The following PTPRG variants were observed in gnomAD, a reference collection of about 807,000 sequenced individuals.
PTPRG encodes protein tyrosine phosphatase receptor type G, also known as receptor-type tyrosine-protein phosphatase gamma.
A neutral mutation model predicts 165.3 loss-of-function variants in PTPRG; 102 were observed. That is an observed-to-expected ratio of 0.62 (90% confidence interval 0.53 to 0.73). The LOEUF is 0.73. PTPRG is among the 30% of genes least tolerant of loss of function. The pLI, the probability that PTPRG is intolerant of heterozygous loss-of-function variation, is 0.00. For missense variants in PTPRG, 1,866 were observed against 1,861.4 expected, an observed-to-expected ratio of 1.00 and a Z score of -0.05; for synonymous variants, 675 against 669.5, an observed-to-expected ratio of 1.01 and a Z score of -0.13.
intron 5 of PTPRG, among the ~76,000 whole-genome samples, chr3:62,112,268 C>G (rs1442838074): frequency 6.6e-6 from 1 of 152,110 alleles, no homozygotes; most frequent in Non-Finnish European, 1.5e-5. Flanking sequence ...CCATGCGCAG[C>G]TAATTTTTGT....
chr3:62,025,965 A>C (rs574670670), intron 4 of PTPRG, among the ~76,000 whole-genome samples: 1 of 152,298 alleles, frequency 6.6e-6, no homozygotes, highest in Non-Finnish European at 1.5e-5. Flanking sequence ...GCAATGCTTT[A>C]TTGTCATGAT....
chr3:62,028,162 T>C (rs1314775968), intron 4 of PTPRG, among the ~76,000 whole-genome samples: 2 of 152,218 alleles, frequency 1.3e-5, no homozygotes, highest in East Asian at 3.8e-4. Flanking sequence ...AAGTTTTCGG[T>C]AGAAAGGAGA....
At chr3:62,131,521 A>C (rs549691274) in intron 5 of PTPRG, among the ~76,000 whole-genome samples, 1 of 152,314 alleles carries the variant, frequency 6.6e-6, no homozygotes, top group Non-Finnish European at 1.5e-5. Context: ...TGACCTGAAA[A>C]CATCAAATTG....
intron 1 of PTPRG, among the ~76,000 whole-genome samples, chr3:61,724,268 G>A (rs926340884): frequency 6.7e-6 from 1 of 150,292 alleles, no homozygotes; most frequent in Non-Finnish European, 1.5e-5. Flanking sequence ...TATGTATATA[G>A]TGTGTGACTT....
At chr3:62,129,223 A>T (rs1392508457) in intron 5 of PTPRG, among the ~76,000 whole-genome samples, 2 of 152,158 alleles carry the variant, frequency 1.3e-5, no homozygotes, top group Non-Finnish European at 2.9e-5. Flanking sequence ...AGTGACCAAA[A>T]ATTGAACCTG....
intron 5 of PTPRG, among the ~76,000 whole-genome samples, chr3:62,078,615 C>T (rs528845999): frequency 6.6e-6 from 1 of 152,212 alleles, no homozygotes; most frequent in African/African-American, 2.4e-5. Context: ...TAAAATTTGA[C>T]ATTACTTGCA....
chr3:62,049,160 G>A (rs1024036248), intron 4 of PTPRG, among the ~76,000 whole-genome samples: 12 of 151,516 alleles, frequency 7.9e-5, no homozygotes, highest in African/African-American at 2.4e-4. Context: ...GTATCTCATC[G>A]TCCCTCTTTT....
intron 1 of PTPRG, among the ~76,000 whole-genome samples, chr3:61,622,243 A>C (rs1358513767): frequency 6.6e-6 from 1 of 152,002 alleles, no homozygotes; most frequent in Non-Finnish European, 1.5e-5. Flanking sequence ...TGTCAGGTAA[A>C]AAGACATTTT....
At chr3:61,867,936 G>A (rs1383027689) in intron 2 of PTPRG, among the ~76,000 whole-genome samples, 1 of 152,120 alleles carries the variant, frequency 6.6e-6, no homozygotes, top group Non-Finnish European at 1.5e-5. Context: ...CTGAGACCTT[G>A]GTCTGCTTAC....
intron 1 of PTPRG, among the ~76,000 whole-genome samples, chr3:61,613,083 T>G (rs552950587): frequency 2.6e-5 from 4 of 152,182 alleles, no homozygotes; most frequent in Non-Finnish European, 4.4e-5. Flanking sequence ...AAAGAACATT[T>G]ATTTCTCCAT....
intron 2 of PTPRG, among the ~76,000 whole-genome samples, chr3:61,943,987 G>A (rs926295444): frequency 6.6e-5 from 10 of 151,524 alleles, no homozygotes; most frequent in African/African-American, 1.2e-4. Flanking sequence ...CTTTTTTTTC[G>A]TTGAATATAT....
At chr3:62,174,005 G>A (rs2106753139) in intron 8 of PTPRG, among the ~76,000 whole-genome samples, 1 of 152,280 alleles carries the variant, frequency 6.6e-6, no homozygotes, top group East Asian at 1.9e-4. Context: ...GCAGTAAATG[G>A]AAACAATATT....
At chr3:62,124,693 G>A (rs1312064034) in intron 5 of PTPRG, 7 of 630,408 alleles carry the variant, frequency 1.1e-5, no homozygotes, top group East Asian at 2.7e-5. Flanking sequence ...AGCTAGCTGC[G>A]CTTGGCACCG....
At chr3:62,291,416 C>G (rs1271384319) in intron 28 of PTPRG, among the ~76,000 whole-genome samples, 1 of 151,886 alleles carries the variant, frequency 6.6e-6, no homozygotes, top group Non-Finnish European at 1.5e-5. Context: ...ACCTGGTATG[C>G]ATGTAGCAGA....
chr3:62,022,323 G>A (rs933760268), intron 4 of PTPRG, among the ~76,000 whole-genome samples: 1 of 152,184 alleles, frequency 6.6e-6, no homozygotes, highest in African/African-American at 2.4e-5. Flanking sequence ...GTAAGAACTA[G>A]ATCATAAAAT....
intron 5 of PTPRG, among the ~76,000 whole-genome samples, chr3:62,104,270 G>T (rs908045324): frequency 6.6e-6 from 1 of 152,164 alleles, no homozygotes; most frequent in Admixed American, 6.5e-5. Context: ...TGAAATGATT[G>T]TATATAGCCC....
chr3:62,181,283 G>A (rs1277389000), intron 8 of PTPRG, among the ~76,000 whole-genome samples: 4 of 152,146 alleles, frequency 2.6e-5, no homozygotes, highest in East Asian at 1.9e-4. Context: ...GATCCACCCC[G>A]GGATAAACCC....
At chr3:61,675,544 C>CT (rs1394278974) in intron 1 of PTPRG, among the ~76,000 whole-genome samples, 2 of 152,164 alleles carry the variant, frequency 1.3e-5, no homozygotes, top group Non-Finnish European at 2.9e-5. Flanking sequence ...GGTAAACAGT[C>CT]TTTTTTCCCC....
intron 8 of PTPRG, among the ~76,000 whole-genome samples, chr3:62,186,577 T>TTTTTTTC (rs1705897422): frequency 6.8e-6 from 1 of 146,022 alleles, no homozygotes; most frequent in Non-Finnish European, 1.5e-5. Context: ...CTTTTTTTTT[T>TTTTTTTC]TTTTTTTGAG....
Sources: allele counts gnomAD v4.1 joint callset (sites outside exome capture counted in the v4.1 genomes callset), GRCh38; gene constraint gnomAD v4.1.1; transcripts MANE v1.5; gene names NCBI Gene and HGNC (gene_info 2026-07-23, HGNC 2026-07-21).